The following ZFYVE28 variants were observed in gnomAD, a reference collection of about 807,000 sequenced individuals.
ZFYVE28 encodes the protein zinc finger FYVE-type containing 28, also known as lateral signaling target protein 2 homolog.
In ZFYVE28, 40 loss-of-function variants were observed where a neutral mutation model predicts 82.1. That is an observed-to-expected ratio of 0.49 (90% CI 0.38 to 0.63). The LOEUF is 0.63. Among genes scored for constraint, ZFYVE28 ranks in the 30% least tolerant of loss-of-function variants. The pLI, the probability that ZFYVE28 is intolerant of heterozygous loss-of-function variation, is 0.00. For synonymous variants in ZFYVE28, 612 were observed against 546.1 expected, an observed-to-expected ratio of 1.12 and a Z score of -1.68; for missense variants, 1,321 against 1,242.1, an observed-to-expected ratio of 1.06 and a Z score of -0.96.
intron 1 of ZFYVE28, among the ~76,000 whole-genome samples, chr4:2,368,925 G>C (rs1727200842): frequency 6.6e-6 from 1 of 152,256 alleles, no homozygotes; most frequent in African/African-American, 2.4e-5. Flanking sequence ...AACAATCATA[G>C]AGCAGCAGTT....
intron 7 of ZFYVE28, among the ~76,000 whole-genome samples, chr4:2,310,676 T>C (rs1231093897): frequency 6.6e-6 from 1 of 152,154 alleles, no homozygotes; most frequent in Non-Finnish European, 1.5e-5. Context: ...TGGTGGTGCA[T>C]GCCTGTGGTC....
At chr4:2,314,134 C>T (rs994741328) in intron 7 of ZFYVE28, among the ~76,000 whole-genome samples, 1 of 152,184 alleles carries the variant, frequency 6.6e-6, no homozygotes, top group African/African-American at 2.4e-5. Context: ...TACTGAATTG[C>T]CTGTTTATCA....
Position 2,336,775 on chromosome 4 carries a change from G to GTGAGGAGGTGAGGAGTGAGGAGA in ZFYVE28, c.611+609_611+631dup, listed in dbSNP as rs796854775. Reference sequence around the variant, plus strand: ...GAATGATGAGGTGAGGAGTGAGGAGGTGAGGAGGTGAGGAGTGAGGAGATG... The same window carrying GTGAGGAGGTGAGGAGTGAGGAGA: ...GAATGATGAGGTGAGGAGTGAGGAGGTGAGGAGGTGAGGAGTGAGGAGATGAGGAGGTGAGGAGTGAGGAGATG... On this transcript the variant is annotated intron_variant, in intron 5 of 12. Coordinates refer to ENST00000290974, the MANE Select transcript of ZFYVE28 (RefSeq NM_020972.3). 6.7e-3 allele frequency among the ~76,000 whole-genome samples: 866 copies of GTGAGGAGGTGAGGAGTGAGGAGA among 128,574 alleles called. 5 individuals are homozygous for GTGAGGAGGTGAGGAGTGAGGAGA. The highest frequency in any genetic ancestry group is 0.014 in the African/African-American group (512 of 36,734). The allele number at this position is 128,574 out of a possible 152,430, so 84.3% of individuals were successfully genotyped here.
intron 1 of ZFYVE28, among the ~76,000 whole-genome samples, chr4:2,378,114 C>A (rs910718841): frequency 6.6e-6 from 1 of 152,188 alleles, no homozygotes; most frequent in Non-Finnish European, 1.5e-5. Flanking sequence ...CTGAAGCGGG[C>A]GGATCATTTG....
At chr4:2,412,045 C>T (rs1188503374) in intron 1 of ZFYVE28, among the ~76,000 whole-genome samples, 1 of 152,200 alleles carries the variant, frequency 6.6e-6, no homozygotes, top group Non-Finnish European at 1.5e-5. Context: ...AGCATCTCCC[C>T]CCTGGGGCGC....
chr4:2,385,065 C>T (rs1729109596), intron 1 of ZFYVE28, among the ~76,000 whole-genome samples: 1 of 152,216 alleles, frequency 6.6e-6, no homozygotes, highest in South Asian at 2.1e-4. Context: ...GCAAACCTAG[C>T]TGGCCTGACC....
chr4:2,399,029 GTGGGGTGAGAT>G (rs1730828514), intron 1 of ZFYVE28, among the ~76,000 whole-genome samples: 1 of 56,258 alleles, frequency 1.8e-5, no homozygotes, highest in Admixed American at 2.7e-4. Flanking sequence ...AGGGCACAAG[GTGGGGTGAGAT>G]CCAGGGCACA....
chr4:2,299,816 AGAT>A, intron 8 of ZFYVE28, among the ~76,000 whole-genome samples: 1 of 151,764 alleles, frequency 6.6e-6, no homozygotes, highest in Non-Finnish European at 1.5e-5. Context: ...TTTTTTAAAA[AGAT>A]AGGGTCTTAC....
chr4:2,337,175 C>T (rs540875809), intron 5 of ZFYVE28, among the ~76,000 whole-genome samples: 27 of 152,186 alleles, frequency 1.8e-4, no homozygotes, highest in African/African-American at 4.8e-4. Context: ...GAAAAGCGAC[C>T]GTGGGGCGGT....
intron 8 of ZFYVE28, among the ~76,000 whole-genome samples, chr4:2,302,660 A>G (rs1002628336): frequency 1.3e-5 from 2 of 152,270 alleles, no homozygotes; most frequent in South Asian, 4.1e-4. Context: ...CTGTGTCCAC[A>G]CAAAAACTTG....
chr4:2,371,758 A>G (rs1027260655), intron 1 of ZFYVE28, among the ~76,000 whole-genome samples: 2 of 152,276 alleles, frequency 1.3e-5, no homozygotes, highest in African/African-American at 4.8e-5. Context: ...GGCTAAAGCC[A>G]AACTGGAAAA....
rs1722866062 is a variant in ZFYVE28 at position 2,341,826 on chromosome 4, C to A, written c.181-211G>T. On this transcript the variant is annotated intron_variant, in intron 2 of 12. Transcript: ENST00000290974. The surrounding 1 kb of genome is among the most constrained non-coding windows in gnomAD (Gnocchi z 4.5). The stretch of plus-strand genomic sequence containing the variant: ...CCTGAGGTTAGGAGTTTGAGACCAG[C>A]CTGGCCAACATGGCGAAACCCCATC... Among the ~76,000 whole-genome samples, 1 of 152,174 alleles carries A rather than the reference C, an allele frequency of 6.6e-6. No individual in the cohort carries two copies. The highest frequency in any genetic ancestry group is 2.4e-5 in the African/African-American group (1 of 41,444).
chr4:2,362,622 G>C lies in ZFYVE28; in HGVS notation c.40-8549C>G, dbSNP rs143188459. On this transcript the variant is annotated intron_variant, in intron 1 of 12. Coordinates refer to ENST00000290974, the MANE Select transcript of ZFYVE28 (RefSeq NM_020972.3). The surrounding 1 kb of genome is among the most constrained non-coding windows in gnomAD (Gnocchi z 5.1). ...ACAGCAGACACCCCAGGGGCTGCCA[G>C]GCTGGGGGCCCACTGACCTGGCAGC... 3.3e-5 allele frequency among the ~76,000 whole-genome samples: 5 copies of C among 152,272 alleles called. No homozygotes were observed. The East Asian group carries it at 9.7e-4, about 30-fold the overall frequency.
rs142037941 is a variant in ZFYVE28, at chr4:2,350,597, G to C, written c.180+3336C>G. 8.4e-3 allele frequency among the ~76,000 whole-genome samples: 1,277 copies of C among 152,316 alleles called. 23 individuals carry two copies. Among genetic ancestry groups the C allele is most frequent in the African/African-American group, 0.025 (1,051 of 41,564 alleles). On this transcript the variant is annotated intron_variant, in intron 2 of 12. Transcript: ENST00000290974. ...ATAGGAGTTCACTGGTGGCTGGGGG[G>C]CCCTAGACAGCTTCAGGATGGGGGG...
At chr4:2,397,221 T>C (rs1004106437) in intron 1 of ZFYVE28, among the ~76,000 whole-genome samples, 1 of 152,168 alleles carries the variant, frequency 6.6e-6, no homozygotes, top group Non-Finnish European at 1.5e-5. Context: ...CCTATAATCC[T>C]AGCACTTTGG....
rs755083374 is a variant in ZFYVE28 at position 2,304,408 on chromosome 4, G to A, written c.1932C>T (p.Asp644=). 1.9e-6 allele frequency: 3 copies of A among 1,613,508 alleles called. No homozygotes were observed. Among genetic ancestry groups the A allele is most frequent in the Admixed American group, 1.7e-5 (1 of 60,034 alleles). Residue 644 remains aspartate (D), a synonymous_variant, in exon 8 of 13, where the codon GAC becomes GAT. Transcript: ENST00000290974. ...CCTCTCCTTGCAGCCCACTCGCTGT[G>A]TCCACCTGGGAACCTGAGGTGTGAG... ...CLPHTSGSQV[D]TASGLQGEAG...
chr4:2,303,816 G>A (rs1026206318), intron 8 of ZFYVE28, among the ~76,000 whole-genome samples: 5 of 152,358 alleles, frequency 3.3e-5, no homozygotes, highest in East Asian at 1.9e-4. Context: ...TCTGCGTCTC[G>A]TTTCAGCCCG....
chr4:2,325,219 T>C (rs757719599), intron 6 of ZFYVE28: 16 of 152,316 alleles, frequency 1.1e-4, no homozygotes, highest in Admixed American at 9.2e-4. Flanking sequence ...TCAAATAGCA[T>C]AGAATCTATA....
In ZFYVE28 at chr4:2,394,985, CTTCTTTCCAGGAGATGAAATGAAATGGCA is replaced by C. The variant is rs1730274488; in HGVS notation, c.39+23271_39+23299del. Among the ~76,000 whole-genome samples the C allele has an allele frequency of 6.6e-6, 1 of 152,250 alleles. No individual in the cohort carries two copies. Among genetic ancestry groups the C allele is most frequent in the South Asian group, 2.1e-4 (1 of 4,836 alleles). On this transcript the variant is annotated intron_variant, in intron 1 of 12. Transcript: ENST00000290974. The surrounding 1 kb of genome is among the most constrained non-coding windows in gnomAD (Gnocchi z 4.0). ...ACATTAAGCCAGGAGAAGCTTCTGTCTTCTTTCCAGGAGATGAAATGAAATGGCACAGGGTGTAGTAAGGTGGCCTACAG... is the reference window on the plus strand; with the variant it reads ...ACATTAAGCCAGGAGAAGCTTCTGTCCAGGGTGTAGTAAGGTGGCCTACAG...
Sources: allele counts gnomAD v4.1 joint callset (sites outside exome capture counted in the v4.1 genomes callset), GRCh38; gene constraint gnomAD v4.1.1; non-coding constraint Gnocchi (gnomAD v3.1); transcripts MANE v1.5; gene names NCBI Gene and HGNC (gene_info 2026-07-23, HGNC 2026-07-21).